The following FHIT variants were observed in gnomAD, a reference collection of about 807,000 sequenced individuals.
The protein encoded by FHIT is fragile histidine triad diadenosine triphosphatase, also known as bis(5'-adenosyl)-triphosphatase.
Under a neutral mutation model 17.9 loss-of-function variants are expected in FHIT, and 19 were observed. The observed-to-expected ratio is 1.06, with a 90% CI of 0.74 to 1.56. The LOEUF is 1.56. Ranked by LOEUF, FHIT falls within the 40% of genes most tolerant of loss-of-function variation. The pLI, the probability that FHIT is intolerant of heterozygous loss-of-function variation, is 0.00. For missense variants in FHIT, 248 were observed against 189.2 expected (o/e 1.31, Z -1.82); for synonymous variants, 81 against 69.7 (o/e 1.16, Z -0.81).
At chr3:60,503,763 A>T (rs982795782) in intron 5 of FHIT, among the ~76,000 whole-genome samples, 1 of 152,220 alleles carries the variant, frequency 6.6e-6, no homozygotes, top group Non-Finnish European at 1.5e-5. Flanking sequence ...TATGTAGAGT[A>T]GTGTTGTGTT....
intron 7 of FHIT, among the ~76,000 whole-genome samples, chr3:59,927,646 G>A (rs769248477): frequency 7.2e-5 from 11 of 152,072 alleles, no homozygotes; most frequent in Non-Finnish European, 1.3e-4. Flanking sequence ...GCACATGCCT[G>A]TAATCCCAGG....
At chr3:61,057,380 T>C (rs17064376) in intron 2 of FHIT, among the ~76,000 whole-genome samples, 24,603 of 152,120 alleles carry the variant, frequency 0.16, 2,605 homozygotes, top group African/African-American at 0.3. Flanking sequence ...ATGGCATCCA[T>C]ATGTTACTCA....
intron 5 of FHIT, among the ~76,000 whole-genome samples, chr3:60,199,068 G>C (rs1486014336): frequency 1.3e-5 from 2 of 152,248 alleles, no homozygotes; most frequent in East Asian, 1.9e-4. Flanking sequence ...AGTGGAAAAG[G>C]CTTGGTGCTT....
chr3:60,985,944 A>C (rs979290750), intron 3 of FHIT, among the ~76,000 whole-genome samples: 2 of 152,162 alleles, frequency 1.3e-5, no homozygotes, highest in Non-Finnish European at 2.9e-5. Context: ...TCCTTGGCTC[A>C]TGGCCCTTCT....
chr3:60,992,162 G>A (rs891707895), intron 3 of FHIT, among the ~76,000 whole-genome samples: 1 of 152,182 alleles, frequency 6.6e-6, no homozygotes, highest in Non-Finnish European at 1.5e-5. Flanking sequence ...TGAAGTTCAA[G>A]AACAGGTGAA....
intron 5 of FHIT, among the ~76,000 whole-genome samples, chr3:60,343,062 C>A (rs895026493): frequency 6.6e-6 from 1 of 152,154 alleles, no homozygotes; most frequent in East Asian, 1.9e-4. Context: ...CCCCAGGGAT[C>A]TTCTTTTTGC....
chr3:59,851,092 C>T (rs1230198474), intron 8 of FHIT, among the ~76,000 whole-genome samples: 1 of 152,168 alleles, frequency 6.6e-6, no homozygotes, highest in African/African-American at 2.4e-5. Context: ...TGATCCAGGA[C>T]TCAATGGCTC....
chr3:60,788,383 C>T (rs1553727538), intron 4 of FHIT, among the ~76,000 whole-genome samples: 2 of 151,998 alleles, frequency 1.3e-5, no homozygotes, highest in African/African-American at 4.8e-5. Context: ...GCTAATTCAG[C>T]GTTTGTGGAG....
intron 5 of FHIT, among the ~76,000 whole-genome samples, chr3:60,393,401 A>G (rs906982977): frequency 1.3e-5 from 2 of 149,678 alleles, no homozygotes; most frequent in Non-Finnish European, 3.0e-5. Context: ...AATTATTTAT[A>G]ATGTTACATA....
intron 7 of FHIT, among the ~76,000 whole-genome samples, chr3:59,939,643 T>G (rs928168835): frequency 6.6e-6 from 1 of 152,230 alleles, no homozygotes; most frequent in African/African-American, 2.4e-5. Context: ...TTCTAGGCGT[T>G]GGCTTAGGAC....
At chr3:60,819,336 T>G (rs1232614195) in intron 4 of FHIT, among the ~76,000 whole-genome samples, 3 of 152,186 alleles carry the variant, frequency 2.0e-5, no homozygotes, top group Non-Finnish European at 4.4e-5. Context: ...TAAAGTTAAA[T>G]GATAGAATGA....
chr3:60,204,592 G>A (rs1156874517), intron 5 of FHIT, among the ~76,000 whole-genome samples: 1 of 120,458 alleles, frequency 8.3e-6, no homozygotes, highest in Non-Finnish European at 1.9e-5. Flanking sequence ...TTCCCAGCCT[G>A]AAAAGGTATT....
At chr3:60,557,704 G>T (rs1408739307) in intron 4 of FHIT, among the ~76,000 whole-genome samples, 1 of 151,690 alleles carries the variant, frequency 6.6e-6, no homozygotes, top group African/African-American at 2.4e-5. Flanking sequence ...GTAATTTATG[G>T]CAACTCTCAT....
intron 2 of FHIT, among the ~76,000 whole-genome samples, chr3:61,109,630 A>G (rs185475169): frequency 6.6e-6 from 1 of 152,236 alleles, no homozygotes; most frequent in East Asian, 1.9e-4. Context: ...ACCTGGTGCC[A>G]TCCCCACTGA....
At chr3:61,165,007 T>C (rs2037796976) in intron 2 of FHIT, among the ~76,000 whole-genome samples, 2 of 152,248 alleles carry the variant, frequency 1.3e-5, no homozygotes, top group African/African-American at 4.8e-5. Context: ...TTCCATGGTA[T>C]ATATGTACCA....
intron 5 of FHIT, among the ~76,000 whole-genome samples, chr3:60,444,395 G>A (rs763569162): frequency 3.9e-5 from 6 of 152,226 alleles, no homozygotes; most frequent in South Asian, 2.1e-4. Flanking sequence ...ACGTGCACAC[G>A]TATGTTTATT....
At chr3:60,861,195 C>CATATCTGAT (rs1703821582) in intron 3 of FHIT, among the ~76,000 whole-genome samples, 1 of 1,482 alleles carries the variant, frequency 6.7e-4, no homozygotes, top group African/African-American at 3.5e-3. Flanking sequence ...TGATATATAT[C>CATATCTGAT]ATATATGATA....
intron 2 of FHIT, among the ~76,000 whole-genome samples, chr3:61,190,981 A>G (rs1411234224): frequency 1.3e-5 from 2 of 152,034 alleles, no homozygotes; most frequent in African/African-American, 4.8e-5. Context: ...ACCTAATGCT[A>G]AATGACGAGT....
At chr3:60,098,828 A>G (rs1279503353) in intron 5 of FHIT, among the ~76,000 whole-genome samples, 1 of 152,218 alleles carries the variant, frequency 6.6e-6, no homozygotes, top group Non-Finnish European at 1.5e-5. Context: ...GGCTTCTGGT[A>G]AACAGTAGTC....
Sources: gnomAD v4.1 joint callset for allele counts (sites outside exome capture counted in the v4.1 genomes callset) on GRCh38, gnomAD v4.1.1 for gene constraint, MANE v1.5 for transcripts, NCBI Gene and HGNC (gene_info 2026-07-23, HGNC 2026-07-21) for gene names.